Variants in NBPF19 observed in about 807,000 individuals in gnomAD.
NBPF19 encodes the protein NBPF member 19.
NBPF19 carries 30 observed loss-of-function variants against 45.9 expected under a neutral mutation model. The observed-to-expected ratio is 0.65, with a 90% confidence interval of 0.49 to 0.89. NBPF19 has a LOEUF of 0.89. Ranked by LOEUF, NBPF19 falls within the 40% of genes least tolerant of loss-of-function variation. The pLI, the probability that NBPF19 is intolerant of heterozygous loss-of-function variation, is 0.00. For missense variants in NBPF19, 495 were observed against 471.8 expected (o/e 1.05, Z -0.46); for synonymous variants, 183 against 181.2 (o/e 1.01, Z -0.08).
intron 8 of NBPF19, among the ~76,000 whole-genome samples, chr1:149,486,564 A>C (rs1457022268): frequency 2.0e-5 from 3 of 151,344 alleles, no homozygotes; most frequent in Non-Finnish European, 3.0e-5. Context: ...AGGTGTGGCA[A>C]ACTCACACCA....
chr1:149,486,502 A>T (rs2085509037), intron 8 of NBPF19, among the ~76,000 whole-genome samples: 1 of 151,208 alleles, frequency 6.6e-6, no homozygotes, highest in South Asian at 2.1e-4. Context: ...TCCTAGTCTC[A>T]GGCCATGCCT....
intron 18 of NBPF19, 91 bp downstream of exon 18, chr1:149,494,581 G>C: frequency 8.6e-6 from 1 of 116,656 alleles, no homozygotes; most frequent in Non-Finnish European, 1.4e-5. Context: ...ACTGACCCGA[G>C]AGATGTCATT....
rs1231625763 is a variant in NBPF19 at position 149,487,987 on chromosome 1, T to C, written c.1041-26T>C. On this transcript the variant is annotated intron_variant, in intron 9 of 93. Coordinates refer to ENST00000651566, the MANE Select transcript of NBPF19 (RefSeq NM_001351365.2). ...GTGGTTTCTGATTCCCCCTGGCTTA[T>C]TCTTTACTTTTTCCCACTTTTCCAG... The C allele has an allele frequency of 2.0e-5, 14 of 690,954 alleles. 1 individual carries two copies. In the African/African-American group the frequency reaches 2.6e-4, roughly 13 times the overall value. 42.8% of individuals were successfully genotyped at this position (690,954 alleles called of 1,614,324 possible).
chr1:149,490,921 CGTGTGT>C lies in NBPF19; in HGVS notation c.1491-199_1491-194del, dbSNP rs1159751982. The stretch of plus-strand genomic sequence containing the variant: ...CTCTGTGTGTGTGTGTGTGTGTGTG[CGTGTGT>C]GTGTGTGTGTGTGTGTGTCCATCTG... On this transcript the variant is annotated intron_variant, in intron 13 of 93. Transcript: ENST00000651566. 1.9e-4 allele frequency among the ~76,000 whole-genome samples: 24 copies of C among 125,982 alleles called. 1 individual carries two copies. The highest frequency in any genetic ancestry group is 2.9e-4 in the African/African-American group (9 of 31,572). The allele number at this position is 125,982 out of a possible 152,430, so 82.6% of individuals were successfully genotyped here. A position where few individuals can be genotyped will look rare whatever the true frequency, so the allele number is the denominator to read the frequency against.
At chr1:149,494,149 C>T (rs1241076513) in intron 17 of NBPF19, among the ~76,000 whole-genome samples, 169 bp from the exon 18 acceptor site, 2 of 127,548 alleles carry the variant, frequency 1.6e-5, no homozygotes, top group East Asian at 2.6e-4. Flanking sequence ...TCATTCTTCT[C>T]TACCTGGCCC....
chr1:149,484,309 G>A (rs1457791916), intron 7 of NBPF19, among the ~76,000 whole-genome samples: 5 of 93,582 alleles, frequency 5.3e-5, no homozygotes, highest in African/African-American at 2.2e-4. Context: ...AGAACACATG[G>A]ACACAGAAAG....
chr1:149,475,186 T>C lies in NBPF19; in HGVS notation c.-645T>C, dbSNP rs1481427262. ...GAATACTGAGACAGGAAAGAAAATA[T>C]TTTAAAAAAATGAATTATTCATTCA... On this transcript the variant is annotated 5_prime_UTR_variant, in exon 1 of 94. Transcript: ENST00000651566. 1.9e-4 allele frequency among the ~76,000 whole-genome samples: 29 copies of C among 149,362 alleles called. No individual in the cohort carries two copies. The highest frequency in any genetic ancestry group is 1.3e-3 in the Admixed American group (20 of 14,912).
At position 149,479,226 on chromosome 1, in the gene NBPF19, A is replaced by G. The variant is rs2085022331; in HGVS notation, c.493+132A>G. The G allele has an allele frequency of 4.4e-6, 5 of 1,124,534 alleles. No homozygotes were observed. The South Asian group carries it at 6.5e-5, about 15-fold the overall frequency. The allele number at this position is 1,124,534 out of a possible 1,614,324, so 69.7% of individuals were successfully genotyped here. ...ACACCTATGTGGCCATGACATGATC[A>G]GGACTTCCTGGGTAAGAACAGAGAT... On this transcript the variant is annotated intron_variant, in intron 4 of 93. Transcript: ENST00000651566.
At chr1:149,478,079 G>C in intron 3 of NBPF19, 32 bp downstream of exon 3, 2 of 1,538,426 alleles carry the variant, frequency 1.3e-6, no homozygotes, top group Non-Finnish European at 1.8e-6. Context: ...AGGGCAGGCG[G>C]GTAGGTGTGT....
At chr1:149,478,851 C>T in intron 3 of NBPF19, 29 bp from the exon 4 acceptor site, 1 of 1,568,934 alleles carries the variant, frequency 6.4e-7, no homozygotes. Flanking sequence ...CCTTTCTACT[C>T]TTAAATTTTC....
chr1:149,554,191 T>C (rs2087139462), intron 93 of NBPF19, among the ~76,000 whole-genome samples: 1 of 149,852 alleles, frequency 6.7e-6, no homozygotes, highest in Admixed American at 6.7e-5. Flanking sequence ...TTGCTGTGTG[T>C]CATGAGGGCA....
In NBPF19 at chr1:149,515,106, G is replaced by C; in HGVS notation, c.5321G>C (p.Gly1774Ala). The change falls in exon 44 of 94, where the codon GGA (glycine) becomes GCA (alanine). Residue 1774 changes from glycine (G) to alanine (A), a missense_variant and splice_region_variant. By Grantham distance (60) the Gly-to-Ala change is moderately conservative. Around this residue, in one of 8 missense-constraint regions of NBPF19, gnomAD observed 248 missense variants for 95.4 expected, o/e 2.60. Transcript: ENST00000651566. ...CATGTTGGCTTTTCTCTTGACGTGG[G>C]AGGTGAGTACCTTTCTATGAAGGTG... Reference protein sequence around the residue: ...EKHVGFSLDVGEIEKKGKGKK... With the variant: ...EKHVGFSLDVAEIEKKGKGKK... 4 of 923,772 alleles carry C rather than the reference G, an allele frequency of 4.3e-6. 1 individual carries two copies. The highest frequency in any genetic ancestry group is 1.7e-6 in the Non-Finnish European group (1 of 587,834). 57.2% of individuals were successfully genotyped at this position (923,772 alleles called of 1,614,324 possible). A position where few individuals can be genotyped will look rare whatever the true frequency, so the allele number is the denominator to read the frequency against.
At chr1:149,478,226 G>A (rs1254144111) in intron 3 of NBPF19, among the ~76,000 whole-genome samples, 179 bp downstream of exon 3, 1 of 151,176 alleles carries the variant, frequency 6.6e-6, no homozygotes. Flanking sequence ...GTTCTGTGTT[G>A]CAGTTGTTTC....
rs1422716264 is a variant in NBPF19 at position 149,479,840 on chromosome 1, G to A, written c.494-302G>A. Reference sequence around the variant, plus strand: ...AGCCTGTGCCTGGGAATCAGATCTGGCAGGATGGGGGAGACAGCTGCCAAC... The same window carrying A: ...AGCCTGTGCCTGGGAATCAGATCTGACAGGATGGGGGAGACAGCTGCCAAC... On this transcript the variant is annotated intron_variant, in intron 4 of 93. Transcript: ENST00000651566. Among the ~76,000 whole-genome samples, 23 of 150,806 alleles carry A rather than the reference G, an allele frequency of 1.5e-4. 1 individual carries two copies. Among genetic ancestry groups the A allele is most frequent in the African/African-American group, 3.9e-4 (16 of 41,044 alleles).
Position 149,475,226 on chromosome 1 carries a change from C to G in NBPF19, c.-605C>G, listed in dbSNP as rs1304628241. Among the ~76,000 whole-genome samples, 1 of 150,140 alleles carries G rather than the reference C, an allele frequency of 6.7e-6. No homozygotes were observed. Among genetic ancestry groups the G allele is most frequent in the Non-Finnish European group, 1.5e-5 (1 of 67,336 alleles). On this transcript the variant is annotated 5_prime_UTR_variant, in exon 1 of 94. Transcript: ENST00000651566. ...TTATTCATTCACTTTCTAGTGGATACAGAAAAAACTGCAGAAGACCCAGAG... is the reference window on the plus strand; with the variant it reads ...TTATTCATTCACTTTCTAGTGGATAGAGAAAAAACTGCAGAAGACCCAGAG...
intron 7 of NBPF19, among the ~76,000 whole-genome samples, chr1:149,484,411 T>C (rs1370304829): frequency 1.1e-4 from 15 of 140,798 alleles, no homozygotes; most frequent in African/African-American, 4.0e-4. Context: ...GATGAGTTAA[T>C]GGGTGAAGCA....
rs2085490257 is a variant in NBPF19, at chr1:149,486,217, G to A, written c.912G>A (p.Leu304=). The change falls in exon 8 of 94, where the codon TTG becomes TTA. Residue 304 remains leucine (L), a synonymous_variant. Coordinates refer to ENST00000651566, the MANE Select transcript of NBPF19 (RefSeq NM_001351365.2). ...YSTLSIPPEM[L]ASYQSYSSTF... is the part of the protein sequence containing the mutation. The stretch of plus-strand genomic sequence containing the variant: ...CTCTCTCAATTCCTCCTGAAATGTT[G>A]GCCTCGTACCAGTCTTACAGCAGCA... 1 of 521,798 alleles carries A rather than the reference G, an allele frequency of 1.9e-6. No homozygotes were observed. Among genetic ancestry groups the A allele is most frequent in the African/African-American group, 3.6e-5 (1 of 27,868 alleles). 32.3% of individuals were successfully genotyped at this position (521,798 alleles called of 1,614,324 possible).
At position 149,491,260 on chromosome 1, in the gene NBPF19, T is replaced by C; in HGVS notation, c.1612T>C (p.Ser538Pro). ...QPDSCQPYGS[S>P]FYALEEKHVG... is the part of the protein sequence containing the mutation. ...TGACTCCTGCCAGCCCTATGGAAGT[T>C]CCTTTTATGCATTGGAGGAAAAACA... Residue 538 changes from serine to proline, a missense_variant, in exon 14 of 94, where the codon TCC becomes CCC. By Grantham distance (74) the Ser-to-Pro change is moderately conservative. This residue lies in a region of NBPF19 where 146 missense variants were observed against 67.3 expected (regional missense o/e 2.17). Transcript: ENST00000651566. 4.0e-6 allele frequency: 1 copy of C among 250,854 alleles called. No individual in the cohort carries two copies. Among genetic ancestry groups the C allele is most frequent in the Non-Finnish European group, 6.8e-6 (1 of 147,962 alleles). 15.5% of individuals were successfully genotyped at this position (250,854 alleles called of 1,614,324 possible).
Position 149,556,334 on chromosome 1 carries a change from G to GTGAA in NBPF19, c.*1598_*1601dup, listed in dbSNP as rs1428426325. 1 of 150,090 alleles carries GTGAA rather than the reference G, an allele frequency of 6.7e-6. No homozygotes were observed. The highest frequency in any genetic ancestry group is 2.4e-5 in the African/African-American group (1 of 40,842). 9.3% of individuals were successfully genotyped at this position (150,090 alleles called of 1,614,324 possible). The stretch of plus-strand genomic sequence containing the variant: ...CTGATTGGTTTTGGTGGGTACTGAT[G>GTGAA]TGAATTAATAAAAACATTTCATTTC... On this transcript the variant is annotated 3_prime_UTR_variant, in exon 94 of 94. Coordinates refer to ENST00000651566, the MANE Select transcript of NBPF19 (RefSeq NM_001351365.2).
Sources: gnomAD v4.1 joint callset for allele counts (sites outside exome capture counted in the v4.1 genomes callset) on GRCh38, gnomAD v4.1.1 for gene constraint, gnomAD v4.1.1 regional missense constraint, MANE v1.5 for transcripts, NCBI Gene and HGNC (gene_info 2026-07-23, HGNC 2026-07-21) for gene names.